SUGCT: variants seen among roughly 807,000 people sequenced by gnomAD.
SUGCT encodes succinyl-CoA:glutarate-CoA transferase, also known as succinyl-CoA:glutarate CoA-transferase.
Under a neutral mutation model 55.0 loss-of-function variants are expected in SUGCT, and 41 were observed. The observed-to-expected ratio is 0.74, with a 90% CI of 0.58 to 0.97. The LOEUF is 0.97. SUGCT is among the 50% of genes least tolerant of loss of function. The pLI is 0.00. For missense variants in SUGCT, 568 were observed against 547.8 expected (o/e 1.04, Z -0.37); for synonymous variants, 187 against 200.4 (o/e 0.93, Z 0.56).
chr7:40,792,823 C>T (rs1790379329), intron 13 of SUGCT, among the ~76,000 whole-genome samples: 1 of 152,050 alleles, frequency 6.6e-6, no homozygotes, highest in Admixed American at 6.6e-5. Flanking sequence ...GCCTTTGGAG[C>T]ACAAGGTTAG....
chr7:40,404,760 C>T (rs1786269347), intron 9 of SUGCT, among the ~76,000 whole-genome samples: 1 of 151,978 alleles, frequency 6.6e-6, no homozygotes, highest in South Asian at 2.1e-4. Context: ...GTTGCTATCT[C>T]TTTGCCCCTA....
intron 8 of SUGCT, among the ~76,000 whole-genome samples, chr7:40,305,599 C>T (rs1470320410): frequency 6.6e-6 from 1 of 152,240 alleles, no homozygotes; most frequent in South Asian, 2.1e-4. Context: ...CTCCATCTTG[C>T]TTAGAACTCC....
At chr7:40,365,817 T>C (rs1269172663) in intron 9 of SUGCT, among the ~76,000 whole-genome samples, 1 of 152,062 alleles carries the variant, frequency 6.6e-6, no homozygotes, top group Non-Finnish European at 1.5e-5. Context: ...AGAATCAATA[T>C]CCTGAAAATG....
intron 9 of SUGCT, among the ~76,000 whole-genome samples, chr7:40,334,952 G>T (rs1796593003): frequency 6.6e-6 from 1 of 152,196 alleles, no homozygotes; most frequent in African/African-American, 2.4e-5. Flanking sequence ...AAGGGATCCA[G>T]TTTCAGCTTT....
chr7:40,266,946 G>A (rs1263637011), intron 7 of SUGCT, among the ~76,000 whole-genome samples: 1 of 151,886 alleles, frequency 6.6e-6, no homozygotes, highest in Non-Finnish European at 1.5e-5. Flanking sequence ...AAGCCAGGAG[G>A]TGGAGGTTGC....
rs762494535 is a variant in SUGCT at position 40,860,355 on chromosome 7, C to T, written c.1193C>T (p.Ala398Val). 6.2e-7 allele frequency: 1 copy of T among 1,613,986 alleles called. No homozygotes were observed. Among genetic ancestry groups the T allele is most frequent in the Non-Finnish European group, 8.5e-7 (1 of 1,179,856 alleles). Residue 398 changes from alanine (A) to valine (V), a missense_variant, in exon 14 of 14, where the codon GCC becomes GTC. Ala to Val is a moderately conservative substitution (Grantham distance 64). Coordinates refer to ENST00000335693, the MANE Select transcript of SUGCT (RefSeq NM_001193313.2). ...TACAGTAAGTTCAAGATGTCAGAGG[C>T]CAGGCCGCCCCCGCTGCTCGGGCAG... ...VRYSKFKMSE[A>V]RPPPLLGQHT...
chr7:40,349,068 T>TG (rs377206468), intron 9 of SUGCT, among the ~76,000 whole-genome samples: 22 of 152,230 alleles, frequency 1.4e-4, no homozygotes, highest in African/African-American at 5.1e-4. Flanking sequence ...ACCCTCCTTC[T>TG]GTATATCCTC....
chr7:40,435,945 CT>C (rs11297778), intron 9 of SUGCT, among the ~76,000 whole-genome samples: 62,588 of 112,382 alleles, frequency 0.56, 16,410 homozygotes, highest in East Asian at 0.89. Flanking sequence ...CTTTTCTTTT[CT>C]TTTTTTTTTT....
At chr7:40,491,130 A>G (rs1791653482) in intron 11 of SUGCT, among the ~76,000 whole-genome samples, 1 of 152,214 alleles carries the variant, frequency 6.6e-6, no homozygotes, top group African/African-American at 2.4e-5. Flanking sequence ...TACTGTGTAA[A>G]TGGCAGTCAA....
chr7:40,401,199 A>C (rs1407294053), intron 9 of SUGCT, among the ~76,000 whole-genome samples: 1 of 152,134 alleles, frequency 6.6e-6, no homozygotes, highest in Non-Finnish European at 1.5e-5. Context: ...TTAAGAAGGA[A>C]TATTTACTGT....
intron 12 of SUGCT, among the ~76,000 whole-genome samples, chr7:40,698,272 G>A (rs1785025172): frequency 6.6e-6 from 1 of 152,218 alleles, no homozygotes; most frequent in Non-Finnish European, 1.5e-5. Flanking sequence ...CAGGCTCTTA[G>A]AGGGGTTAGG....
Position 40,750,874 on chromosome 7 carries a change from A to C in SUGCT, c.1153+1377A>C, listed in dbSNP as rs138997148. Among the ~76,000 whole-genome samples, 230 of 152,310 alleles carry C rather than the reference A, an allele frequency of 1.5e-3. 7 individuals are homozygous for C. The East Asian group carries it at 0.043, about 28-fold the overall frequency. ...AAGAAGTTCATCAGTTCATCCACTC[A>C]TCTGTATTACTGAGTATATACTATG... On this transcript the variant is annotated intron_variant, in intron 13 of 13. Transcript: ENST00000335693.
intron 12 of SUGCT, among the ~76,000 whole-genome samples, chr7:40,657,928 T>C (rs1474631178): frequency 6.6e-6 from 1 of 152,172 alleles, no homozygotes; most frequent in African/African-American, 2.4e-5. Flanking sequence ...TCTTCAGTGA[T>C]GGAGCTGGGA....
At chr7:40,867,048 G>C in the SUGCT span, among the ~76,000 whole-genome samples, 1 of 151,662 alleles carries the variant, frequency 6.6e-6, no homozygotes, top group Non-Finnish European at 1.5e-5. Context: ...ACAGTTGTCA[G>C]AGTTGTTACC....
chr7:40,798,503 G>T (rs1790659170), intron 13 of SUGCT, among the ~76,000 whole-genome samples: 1 of 152,128 alleles, frequency 6.6e-6, no homozygotes, highest in South Asian at 2.1e-4. Flanking sequence ...TGACAGCAGT[G>T]AAAGAAAAAG....
chr7:40,965,004 C>A, the SUGCT span: 2 of 152,128 alleles, frequency 1.3e-5, no homozygotes, highest in African/African-American at 4.8e-5. Flanking sequence ...CAAGCTAGAC[C>A]GATAAGAGCT....
chr7:40,928,971 A>G, the SUGCT span, among the ~76,000 whole-genome samples: 2 of 152,058 alleles, frequency 1.3e-5, no homozygotes, highest in African/African-American at 4.8e-5. Flanking sequence ...TCTAGGGTAC[A>G]TGTGCACAAT....
chr7:40,686,188 G>C (rs1301315960), intron 12 of SUGCT, among the ~76,000 whole-genome samples: 1 of 151,774 alleles, frequency 6.6e-6, no homozygotes, highest in Non-Finnish European at 1.5e-5. Context: ...GCTTCACTTT[G>C]TCATGTTTGA....
At chr7:40,279,223 G>A (rs1357926329) in intron 8 of SUGCT, among the ~76,000 whole-genome samples, 1 of 152,092 alleles carries the variant, frequency 6.6e-6, no homozygotes, top group African/African-American at 2.4e-5. Context: ...GATAAAGGAA[G>A]TTCCCTTTCC....
Sources: gnomAD v4.1 joint callset for allele counts (sites outside exome capture counted in the v4.1 genomes callset) on GRCh38, gnomAD v4.1.1 for gene constraint, MANE v1.5 for transcripts, NCBI Gene and HGNC (gene_info 2026-07-23, HGNC 2026-07-21) for gene names.